The following EBF3 variants were observed in gnomAD, a reference collection of about 807,000 sequenced individuals.
EBF3 encodes transcription factor COE3.
Under a neutral mutation model 77.1 loss-of-function variants are expected in EBF3, and 18 were observed. The ratio of observed to expected loss-of-function variants is 0.23; its 90% CI spans 0.16 to 0.35. The LOEUF (loss-of-function observed/expected upper bound fraction) is 0.35, where lower values mean the gene tolerates loss of function less well. EBF3 is among the 10% of genes least tolerant of loss of function. EBF3 has a pLI of 1.00. For synonymous variants in EBF3, 350 were observed against 343.5 expected (o/e 1.02, Z -0.21); for missense variants, 558 against 860.0 (o/e 0.65, Z 4.39).
At chr10:129,922,913 G>A (rs561076983) in intron 6 of EBF3, among the ~76,000 whole-genome samples, 17 of 152,302 alleles carry the variant, frequency 1.1e-4, no homozygotes, top group Non-Finnish European at 2.4e-4. Flanking sequence ...AGGCCCCCCC[G>A]ACCATGTGAC....
At chr10:129,922,188 C>G (rs1856360200) in intron 6 of EBF3, among the ~76,000 whole-genome samples, 1 of 152,348 alleles carries the variant, frequency 6.6e-6, no homozygotes, top group South Asian at 2.1e-4. Flanking sequence ...AGAGTCCTCT[C>G]TCTCCCTCCA....
intron 6 of EBF3, among the ~76,000 whole-genome samples, chr10:129,946,748 T>C (rs1022033920): frequency 6.6e-6 from 1 of 152,214 alleles, no homozygotes; most frequent in Non-Finnish European, 1.5e-5. Flanking sequence ...GGGCAGAGTC[T>C]ATTTTTGAGC....
Position 129,841,045 on chromosome 10 carries a change from C to CCCCT in EBF3, c.1373-14_1373-13insAGGG. ...CGACTGTAGCCGACTGTTGAAATCC[C>CCCCT]CCCCCCGGCCAAAAATAACATTATT... On this transcript the variant is annotated splice_polypyrimidine_tract_variant and intron_variant, in intron 13 of 16. Coordinates refer to ENST00000440978, the MANE Select transcript of EBF3 (RefSeq NM_001375380.1). This position sits in a 1 kb window ranked among gnomAD's most constrained non-coding sequence, Gnocchi z 4.6. The CCCCT allele has an allele frequency of 6.2e-7, 1 of 1,600,470 alleles. No homozygotes were observed.
Position 129,963,691 on chromosome 10 carries a change from C to G in EBF3, c.78G>C (p.Pro26=), listed in dbSNP as rs1213823580. The change falls in exon 1 of 17, where the codon CCG becomes CCC. Residue 26 remains proline, a synonymous_variant. Coordinates refer to ENST00000440978, the MANE Select transcript of EBF3 (RefSeq NM_001375380.1). This position sits in a 1 kb window ranked among gnomAD's most constrained non-coding sequence, Gnocchi z 7.1. The stretch of plus-strand genomic sequence containing the variant: ...CCGCCGTGTGCATCCACGAGCGCAC[C>G]GGGTTCATGCCGCTGCCCAGCGGCT... ...KEEPLGSGMN[P]VRSWMHTAGV... is the part of the protein sequence containing the mutation. 6 of 1,528,788 alleles carry G rather than the reference C, an allele frequency of 3.9e-6. No homozygotes were observed. Among genetic ancestry groups the G allele is most frequent in the Non-Finnish European group, 4.4e-6 (5 of 1,131,988 alleles). 94.7% of individuals were successfully genotyped at this position (1,528,788 alleles called of 1,614,324 possible).
At chr10:129,838,050 T>C (rs1447248939) in intron 16 of EBF3, 90 bp from the exon 17 acceptor site, 31 of 1,495,032 alleles carry the variant, frequency 2.1e-5, no homozygotes, top group Non-Finnish European at 2.8e-5. Flanking sequence ...CCTTCCCCCC[T>C]ATTCAACTGG....
intron 6 of EBF3, among the ~76,000 whole-genome samples, chr10:129,941,574 G>T (rs1255865712): frequency 6.6e-6 from 1 of 152,078 alleles, no homozygotes; most frequent in African/African-American, 2.4e-5. Flanking sequence ...CAAAGGGTCA[G>T]GGGGGAGCCC....
chr10:129,914,522 G>A (rs998984701), intron 6 of EBF3, among the ~76,000 whole-genome samples: 4 of 152,272 alleles, frequency 2.6e-5, no homozygotes, highest in South Asian at 4.1e-4. Context: ...CAAAATGGCC[G>A]AAAACAAAGT....
At chr10:129,939,506 T>G (rs925462355) in intron 6 of EBF3, among the ~76,000 whole-genome samples, 1 of 152,066 alleles carries the variant, frequency 6.6e-6, no homozygotes, top group Admixed American at 6.5e-5. Context: ...AGACTTGGGG[T>G]TTTTGTTTTT....
intron 6 of EBF3, among the ~76,000 whole-genome samples, chr10:129,948,258 T>TCC (rs200155651): frequency 3.1e-4 from 10 of 32,128 alleles, no homozygotes; most frequent in Non-Finnish European, 5.2e-4. Flanking sequence ...AAACTCCGTC[T>TCC]CAAAAAAAAA....
intron 6 of EBF3, among the ~76,000 whole-genome samples, chr10:129,951,453 T>C (rs1347517335): frequency 6.6e-6 from 1 of 152,260 alleles, no homozygotes; most frequent in Admixed American, 6.5e-5. Context: ...CATACCCGGC[T>C]GCATGCTGCT....
intron 6 of EBF3, among the ~76,000 whole-genome samples, chr10:129,915,518 G>A (rs1194017280): frequency 2.0e-5 from 3 of 150,892 alleles, no homozygotes; most frequent in East Asian, 3.9e-4. Flanking sequence ...AGACAAGTTG[G>A]GTGTTGCTAC....
chr10:129,959,407 G>A (rs1184954008), intron 4 of EBF3, among the ~76,000 whole-genome samples: 1 of 152,096 alleles, frequency 6.6e-6, no homozygotes, highest in Non-Finnish European at 1.5e-5. Flanking sequence ...CCGCCAGGCC[G>A]CGTCCTCAGG....
chr10:129,869,970 G>C (rs1310109014), intron 8 of EBF3, among the ~76,000 whole-genome samples: 1 of 144,258 alleles, frequency 6.9e-6, no homozygotes, highest in Admixed American at 7.2e-5. Context: ...CATCAGCACA[G>C]CCAATTATGG....
chr10:129,915,499 A>ACACACAC (rs59533376), intron 6 of EBF3, among the ~76,000 whole-genome samples: 184 of 91,286 alleles, frequency 2.0e-3, no homozygotes, highest in African/African-American at 7.1e-3. Context: ...CACACACACA[A>ACACACAC]AAAAGCCAAG....
intron 6 of EBF3, among the ~76,000 whole-genome samples, chr10:129,882,664 C>T (rs1853290813): frequency 1.3e-5 from 2 of 152,204 alleles, no homozygotes. Flanking sequence ...TTGGCCAAGG[C>T]CGTTATCAAT....
At position 129,947,709 on chromosome 10, in the gene EBF3, G is replaced by C. The variant is rs935313191; in HGVS notation, c.554+9549C>G. ...TGAAAAAAAAAAAAAAAGAAGGGCA[G>C]GACGGGCAAACTTCTGAAAGCCTGG... On this transcript the variant is annotated intron_variant, in intron 6 of 16. Coordinates refer to ENST00000440978, the MANE Select transcript of EBF3 (RefSeq NM_001375380.1). The surrounding 1 kb of genome is among the most constrained non-coding windows in gnomAD (Gnocchi z 4.5). Among the ~76,000 whole-genome samples the C allele has an allele frequency of 1.3e-5, 2 of 150,060 alleles. No homozygotes were observed. Among genetic ancestry groups the C allele is most frequent in the African/African-American group, 4.9e-5 (2 of 40,746 alleles).
At chr10:129,892,265 A>G (rs917923753) in intron 6 of EBF3, among the ~76,000 whole-genome samples, 2 of 152,258 alleles carry the variant, frequency 1.3e-5, no homozygotes, top group African/African-American at 2.4e-5. Flanking sequence ...GGTGCCCCCA[A>G]GGAAACAGGA....
At chr10:129,850,542 G>C (rs562863832) in intron 10 of EBF3, among the ~76,000 whole-genome samples, 92 of 152,298 alleles carry the variant, frequency 6.0e-4, no homozygotes, top group African/African-American at 2.1e-3. Flanking sequence ...TGCACTGTGG[G>C]CTCCTGCCAG....
chr10:129,921,863 C>A (rs1265003421), intron 6 of EBF3, among the ~76,000 whole-genome samples: 1 of 152,220 alleles, frequency 6.6e-6, no homozygotes, highest in African/African-American at 2.4e-5. Flanking sequence ...GAGCCCCACA[C>A]CTGCCGTCCC....
Sources: allele counts gnomAD v4.1 joint callset (sites outside exome capture counted in the v4.1 genomes callset), GRCh38; gene constraint gnomAD v4.1.1; non-coding constraint Gnocchi (gnomAD v3.1); transcripts MANE v1.5; gene names NCBI Gene and HGNC (gene_info 2026-07-23, HGNC 2026-07-21).